The following PAM variants were observed in gnomAD, a reference collection of about 807,000 sequenced individuals.
The protein encoded by PAM is peptidyl-glycine alpha-amidating monooxygenase.
Under a neutral mutation model 122.1 loss-of-function variants are expected in PAM, and 72 were observed. The ratio of observed to expected loss-of-function variants is 0.59; its 90% confidence interval spans 0.49 to 0.72. The LOEUF is 0.72. Among genes scored for constraint, PAM ranks in the 30% least tolerant of loss-of-function variants. PAM has a pLI of 0.00. For synonymous variants in PAM, 389 were observed against 404.4 expected (o/e 0.96, Z 0.46); for missense variants, 1,106 against 1,183.7 (o/e 0.93, Z 0.96).
chr5:102,760,945 A>G (rs538867307), intron 1 of PAM, among the ~76,000 whole-genome samples: 2 of 152,224 alleles, frequency 1.3e-5, no homozygotes, highest in African/African-American at 4.8e-5. Context: ...ATCATGTGTG[A>G]TTGTGAGATT....
chr5:102,801,733 T>C (rs1764744917), intron 1 of PAM, among the ~76,000 whole-genome samples: 1 of 152,034 alleles, frequency 6.6e-6, no homozygotes, highest in African/African-American at 2.4e-5. Flanking sequence ...TGCTCTACAT[T>C]TCCCTCAAAG....
At chr5:102,869,920 A>G (rs1786827347) in intron 3 of PAM, among the ~76,000 whole-genome samples, 1 of 152,152 alleles carries the variant, frequency 6.6e-6, no homozygotes, top group South Asian at 2.1e-4. Flanking sequence ...AAATAAGAAG[A>G]GTTGACCGAA....
In PAM at chr5:102,946,879, G is replaced by GTGTAAGTACT; in HGVS notation, c.570_571insGTAAGTACTT (p.Leu191ValfsTer19). On this transcript the variant is annotated frameshift_variant, in exon 8 of 26. Transcript: ENST00000438793. LOFTEE classifies it high-confidence loss of function. The stretch of plus-strand genomic sequence containing the variant: ...TCTGGTGTGTCCTTACACCTCACAC[G>GTGTAAGTACT]TCTGCCGTAAGTACTTCCATTTTTC... 6.3e-7 allele frequency: 1 copy of GTGTAAGTACT among 1,599,060 alleles called. No individual in the cohort carries two copies. Among genetic ancestry groups the GTGTAAGTACT allele is most frequent in the Non-Finnish European group, 8.6e-7 (1 of 1,167,320 alleles).
intron 15 of PAM, among the ~76,000 whole-genome samples, chr5:102,986,667 C>T (rs1195299851): frequency 6.6e-6 from 1 of 152,060 alleles, no homozygotes; most frequent in African/African-American, 2.4e-5. Context: ...TATGGTTTGG[C>T]TGTGTACCCA....
At chr5:103,008,448 G>T (rs1005286104) in intron 20 of PAM, among the ~76,000 whole-genome samples, 1 of 151,956 alleles carries the variant, frequency 6.6e-6, no homozygotes, top group African/African-American at 2.4e-5. Flanking sequence ...TTTAAAATAT[G>T]CTCTTTTCAC....
intron 1 of PAM, among the ~76,000 whole-genome samples, chr5:102,816,798 C>G (rs1416654543): frequency 6.6e-6 from 1 of 152,094 alleles, no homozygotes; most frequent in Admixed American, 6.6e-5. Flanking sequence ...TGATCTTATT[C>G]TCTTATTAAG....
chr5:102,928,677 T>C (rs563043723), intron 7 of PAM, among the ~76,000 whole-genome samples: 2 of 152,286 alleles, frequency 1.3e-5, no homozygotes, highest in South Asian at 4.1e-4. Context: ...GATATCGTTT[T>C]ATATTTATTA....
At chr5:102,840,732 C>T (rs541365630) in intron 1 of PAM, among the ~76,000 whole-genome samples, 1 of 152,198 alleles carries the variant, frequency 6.6e-6, no homozygotes, top group Non-Finnish European at 1.5e-5. Context: ...TGGTCCAATA[C>T]AGCTGTTAAG....
intron 1 of PAM, among the ~76,000 whole-genome samples, chr5:102,829,745 T>G (rs535663516): frequency 1.3e-5 from 2 of 152,340 alleles, no homozygotes; most frequent in Admixed American, 1.3e-4. Flanking sequence ...TTTTATCTAC[T>G]TTATACAAAT....
chr5:103,027,908 A>G (rs534636132), intron 24 of PAM, among the ~76,000 whole-genome samples: 61 of 152,290 alleles, frequency 4.0e-4, no homozygotes, highest in African/African-American at 1.4e-3. Flanking sequence ...ATTCTCCTTG[A>G]CCTTTCTTTT....
intron 1 of PAM, among the ~76,000 whole-genome samples, chr5:102,777,639 A>G (rs564162019): frequency 6.6e-6 from 1 of 152,164 alleles, no homozygotes; most frequent in Non-Finnish European, 1.5e-5. Flanking sequence ...GGTAAAATTC[A>G]CGATAAGAAA....
chr5:103,028,441 T>G (rs186630629), intron 25 of PAM, among the ~76,000 whole-genome samples: 113 of 152,306 alleles, frequency 7.4e-4, no homozygotes, highest in African/African-American at 2.6e-3. Flanking sequence ...TTTCCCAGTT[T>G]TATTTTTCCC....
chr5:102,973,820 C>CAAGT (rs74506900), intron 14 of PAM, among the ~76,000 whole-genome samples: 1 of 151,724 alleles, frequency 6.6e-6, no homozygotes, highest in East Asian at 1.9e-4. Flanking sequence ...ATTTCCGTAT[C>CAAGT]AAACTATACT....
At chr5:102,803,146 A>AAGGAAGGAAGGAAGGAAGGAAGGAAGG (rs1765250860) in intron 1 of PAM, among the ~76,000 whole-genome samples, 1 of 133,604 alleles carries the variant, frequency 7.5e-6, no homozygotes, top group Non-Finnish European at 1.6e-5. Flanking sequence ...AGAAAGAAAG[A>AAGGAAGGAAGGAAGGAAGGAAGGAAGG]AAGGAAGGAA....
chr5:102,851,707 T>A (rs965917381), intron 1 of PAM, among the ~76,000 whole-genome samples: 2 of 152,212 alleles, frequency 1.3e-5, no homozygotes, highest in African/African-American at 4.8e-5. Flanking sequence ...AATGAAACAA[T>A]TAATAGTATT....
intron 3 of PAM, among the ~76,000 whole-genome samples, chr5:102,895,400 G>A (rs1363442718): frequency 6.6e-6 from 1 of 151,716 alleles, no homozygotes; most frequent in Admixed American, 6.6e-5. Context: ...TCACAGTTTT[G>A]TGAATGTAGA....
intron 22 of PAM, 148 bp from the exon 23 acceptor site, chr5:103,019,642 G>A (rs1286895885): frequency 3.2e-6 from 2 of 622,304 alleles, no homozygotes; most frequent in East Asian, 5.6e-5. Context: ...CTAATTAGTG[G>A]TTTGTATTGA....
intron 1 of PAM, among the ~76,000 whole-genome samples, chr5:102,759,731 T>G (rs1297272535): frequency 1.3e-5 from 2 of 152,100 alleles, no homozygotes; most frequent in Non-Finnish European, 2.9e-5. Flanking sequence ...GGCATAAACC[T>G]TAAACGGACA....
chr5:102,862,449 G>A (rs1201486649), intron 1 of PAM, among the ~76,000 whole-genome samples: 1 of 152,134 alleles, frequency 6.6e-6, no homozygotes, highest in Non-Finnish European at 1.5e-5. Flanking sequence ...AAATTGCTAT[G>A]TGAATGGATA....
Sources: gnomAD v4.1 joint callset for allele counts (sites outside exome capture counted in the v4.1 genomes callset) on GRCh38, gnomAD v4.1.1 for gene constraint, MANE v1.5 for transcripts, NCBI Gene and HGNC (gene_info 2026-07-23, HGNC 2026-07-21) for gene names.